SGPP1: variants seen among roughly 807,000 people sequenced by gnomAD.
SGPP1 encodes hSPP1.
Under a neutral mutation model 33.0 loss-of-function variants are expected in SGPP1, and 21 were observed. That is an observed-to-expected ratio of 0.64 (90% CI 0.45 to 0.92). The LOEUF is 0.92. Among genes scored for constraint, SGPP1 ranks in the 40% least tolerant of loss-of-function variants. The pLI, the probability that SGPP1 is intolerant of heterozygous loss-of-function variation, is 0.00. For missense variants in SGPP1, 543 were observed against 589.4 expected (o/e 0.92, Z 0.81); for synonymous variants, 239 against 241.2 (o/e 0.99, Z 0.08).
At chr14:63,715,883 C>T (rs1392818811) in intron 1 of SGPP1, among the ~76,000 whole-genome samples, 2 of 152,098 alleles carry the variant, frequency 1.3e-5, no homozygotes, top group African/African-American at 2.4e-5. Context: ...CTTGCAATTG[C>T]TTTCCCATCA....
chr14:63,699,531 T>C (rs2139636071), intron 1 of SGPP1, among the ~76,000 whole-genome samples: 1 of 152,218 alleles, frequency 6.6e-6, no homozygotes, highest in South Asian at 2.1e-4. Context: ...GTAGAAAATA[T>C]TTAGTACGAA....
At chr14:63,717,575 G>A (rs1885661771) in intron 1 of SGPP1, among the ~76,000 whole-genome samples, 2 of 152,116 alleles carry the variant, frequency 1.3e-5, no homozygotes, top group Admixed American at 1.3e-4. Flanking sequence ...GCCAGCCTCG[G>A]CCTCCCAAAG....
At chr14:63,721,272 G>A (rs571818500) in intron 1 of SGPP1, among the ~76,000 whole-genome samples, 8 of 151,804 alleles carry the variant, frequency 5.3e-5, no homozygotes, top group South Asian at 2.1e-4. Context: ...AGAGCAAGAC[G>A]CCATCTCAAA....
chr14:63,689,164 T>C (rs1443135521), intron 2 of SGPP1, among the ~76,000 whole-genome samples: 1 of 152,232 alleles, frequency 6.6e-6, no homozygotes, highest in Non-Finnish European at 1.5e-5. Flanking sequence ...TTCATATCTA[T>C]GAAATCACTT....
chr14:63,698,806 C>A, intron 1 of SGPP1, 148 bp from the exon 2 acceptor site: 1 of 443,646 alleles, frequency 2.3e-6, no homozygotes, highest in East Asian at 3.7e-5. Flanking sequence ...GCACCTAACC[C>A]TGAGTATGGC....
rs563209520 is a variant in SGPP1, at chr14:63,714,679, C to A, written c.684+12582G>T. Reference sequence around the variant, plus strand: ...CAAGTGATCCTCCTGCTTTGGCTTTCCAAAGTGCTGGGATTACAGGCATGT... The same window carrying A: ...CAAGTGATCCTCCTGCTTTGGCTTTACAAAGTGCTGGGATTACAGGCATGT... On this transcript the variant is annotated intron_variant, in intron 1 of 2. Coordinates refer to ENST00000247225, the MANE Select transcript of SGPP1 (RefSeq NM_030791.4). Among the ~76,000 whole-genome samples, 3 of 151,972 alleles carry A rather than the reference C, an allele frequency of 2.0e-5. No individual in the cohort carries two copies. The East Asian group carries it at 5.8e-4, about 29-fold the overall frequency.
intron 1 of SGPP1, among the ~76,000 whole-genome samples, chr14:63,705,252 T>G (rs1280083939): frequency 1.4e-5 from 2 of 147,102 alleles, no homozygotes; most frequent in African/African-American, 5.1e-5. Context: ...AAGGATCTAG[T>G]ATGCAGAATT....
intron 2 of SGPP1, among the ~76,000 whole-genome samples, chr14:63,687,133 A>G (rs1884996677): frequency 6.6e-6 from 1 of 152,156 alleles, no homozygotes; most frequent in Non-Finnish European, 1.5e-5. Flanking sequence ...TTGAGGATAC[A>G]TTGCTTTAAA....
At chr14:63,692,470 A>G (rs1431684474) in intron 2 of SGPP1, among the ~76,000 whole-genome samples, 4 of 149,182 alleles carry the variant, frequency 2.7e-5, no homozygotes, top group Admixed American at 2.0e-4. Flanking sequence ...TTTTTTTTGG[A>G]GACAGGTCTT....
chr14:63,704,111 G>A (rs1021623951), intron 1 of SGPP1, among the ~76,000 whole-genome samples: 2 of 152,046 alleles, frequency 1.3e-5, no homozygotes, highest in African/African-American at 4.8e-5. Flanking sequence ...ACAGGCCTAA[G>A]CCACCATGCC....
In SGPP1 at chr14:63,714,803, G is replaced by A. The variant is rs529857050; in HGVS notation, c.684+12458C>T. On this transcript the variant is annotated intron_variant, in intron 1 of 2. Coordinates refer to ENST00000247225, the MANE Select transcript of SGPP1 (RefSeq NM_030791.4). ...TGCCCAAGCTGGAGTATAGTGATGT[G>A]GTTACAGCTCACTGCAGCCTCAGGT... 2.6e-5 allele frequency among the ~76,000 whole-genome samples: 4 copies of A among 151,202 alleles called. No homozygotes were observed. In the South Asian group the frequency reaches 8.3e-4, roughly 32 times the overall value.
At chr14:63,700,401 G>C (rs1414482094) in intron 1 of SGPP1, among the ~76,000 whole-genome samples, 1 of 151,930 alleles carries the variant, frequency 6.6e-6, no homozygotes, top group Non-Finnish European at 1.5e-5. Flanking sequence ...ATTTCATTTG[G>C]AAACACCAAA....
At chr14:63,705,839 A>G (rs1194793533) in intron 1 of SGPP1, among the ~76,000 whole-genome samples, 1 of 152,258 alleles carries the variant, frequency 6.6e-6, no homozygotes, top group Non-Finnish European at 1.5e-5. Flanking sequence ...GTTGGGATGT[A>G]AAATGAAGCA....
At chr14:63,719,553 T>C (rs562490203) in intron 1 of SGPP1, among the ~76,000 whole-genome samples, 101 of 151,904 alleles carry the variant, frequency 6.6e-4, no homozygotes, top group Non-Finnish European at 1.1e-3. Flanking sequence ...TAGCAAACAA[T>C]TGGAAAACTA....
intron 2 of SGPP1, among the ~76,000 whole-genome samples, chr14:63,692,457 T>G (rs1315201741): frequency 6.8e-6 from 1 of 147,278 alleles, no homozygotes; most frequent in Non-Finnish European, 1.5e-5. Context: ...TCAACTTCCT[T>G]TTTTTTTTTT....
chr14:63,714,684 G>A (rs1885583647), intron 1 of SGPP1, among the ~76,000 whole-genome samples: 2 of 152,048 alleles, frequency 1.3e-5, no homozygotes, highest in Admixed American at 1.3e-4. Flanking sequence ...GCTTTCCAAA[G>A]TGCTGGGATT....
At chr14:63,711,030 T>TTTA (rs1885511437) in intron 1 of SGPP1, among the ~76,000 whole-genome samples, 1 of 151,454 alleles carries the variant, frequency 6.6e-6, no homozygotes, top group African/African-American at 2.4e-5. Flanking sequence ...TTTTTTTTTT[T>TTTA]GAGACAGAGT....
intron 1 of SGPP1, among the ~76,000 whole-genome samples, chr14:63,723,288 G>A (rs1885813622): frequency 6.6e-6 from 1 of 151,978 alleles, no homozygotes; most frequent in South Asian, 2.1e-4. Context: ...CTAGGCAATG[G>A]ATCTCAAGTT....
chr14:63,715,502 G>A lies in SGPP1; in HGVS notation c.684+11759C>T, dbSNP rs149361155. On this transcript the variant is annotated intron_variant, in intron 1 of 2. Transcript: ENST00000247225. The stretch of plus-strand genomic sequence containing the variant: ...AATAAAACCCCCTTTTTTTTGAGCC[G>A]GAGTTTCACTCTTGTGAAACTCAGA... Among the ~76,000 whole-genome samples, 43 of 151,622 alleles carry A rather than the reference G, an allele frequency of 2.8e-4. No individual in the cohort carries two copies. In the East Asian group the frequency reaches 3.9e-3, roughly 14 times the overall value.
Sources: gnomAD v4.1 joint callset for allele counts (sites outside exome capture counted in the v4.1 genomes callset) on GRCh38, gnomAD v4.1.1 for gene constraint, MANE v1.5 for transcripts, NCBI Gene and HGNC (gene_info 2026-07-23, HGNC 2026-07-21) for gene names.